The following PCNX2 variants were observed in gnomAD, a reference collection of about 807,000 sequenced individuals.
PCNX2 encodes the protein pecanex 2, also known as pecanex-like protein 2.
PCNX2 carries 168 observed loss-of-function variants against 223.8 expected under a neutral mutation model. The ratio of observed to expected loss-of-function variants is 0.75; its 90% CI spans 0.66 to 0.85. PCNX2 has a LOEUF of 0.85. Ranked by LOEUF, PCNX2 falls within the 40% of genes least tolerant of loss-of-function variation. PCNX2 has a pLI of 0.00. For missense variants in PCNX2, 2,507 were observed against 2,675.5 expected, an observed-to-expected ratio of 0.94 and a Z score of 1.39; for synonymous variants, 1,006 against 1,052.6, an observed-to-expected ratio of 0.96 and a Z score of 0.86.
At chr1:232,989,634 G>T (rs1211746634) in intron 32 of PCNX2, among the ~76,000 whole-genome samples, 4 of 152,150 alleles carry the variant, frequency 2.6e-5, no homozygotes, top group Non-Finnish European at 5.9e-5. Flanking sequence ...CTGCAGCAAA[G>T]GACCCCTGTA....
intron 1 of PCNX2, among the ~76,000 whole-genome samples, chr1:233,290,168 G>A (rs1661683776): frequency 6.8e-6 from 1 of 146,640 alleles, no homozygotes; most frequent in Non-Finnish European, 1.5e-5. Flanking sequence ...GGGGTTAGGG[G>A]TATGAAGGAG....
At chr1:233,027,952 C>A (rs182080640) in intron 25 of PCNX2, among the ~76,000 whole-genome samples, 1 of 152,164 alleles carries the variant, frequency 6.6e-6, no homozygotes, top group Non-Finnish European at 1.5e-5. Context: ...TGTTTTCATT[C>A]AGTTCAGTTA....
chr1:233,254,172 G>A (rs73111151), intron 5 of PCNX2, among the ~76,000 whole-genome samples: 1 of 152,284 alleles, frequency 6.6e-6, no homozygotes, highest in Non-Finnish European at 1.5e-5. Flanking sequence ...AGCAATGCTG[G>A]CTTCTCTGTG....
intron 21 of PCNX2, among the ~76,000 whole-genome samples, chr1:233,105,061 T>C (rs561772814): frequency 6.6e-6 from 1 of 152,224 alleles, no homozygotes; most frequent in South Asian, 2.1e-4. Flanking sequence ...TAGAAAAACT[T>C]CACAGTCCAT....
intron 1 of PCNX2, among the ~76,000 whole-genome samples, chr1:233,280,297 CCT>C (rs1491331529): frequency 8.5e-6 from 1 of 117,634 alleles, no homozygotes; most frequent in African/African-American, 3.0e-5. Context: ...TTCCATATTA[CCT>C]TTTTTTTTTT....
At chr1:232,994,714 T>G (rs959997519) in intron 32 of PCNX2, among the ~76,000 whole-genome samples, 33 of 152,152 alleles carry the variant, frequency 2.2e-4, no homozygotes, top group Admixed American at 1.4e-3. Context: ...TGGGAGGTGA[T>G]TGGATCATGG....
At position 233,160,294 on chromosome 1, in the gene PCNX2, C is replaced by T. The variant is rs781583535; in HGVS notation, c.3506G>A (p.Arg1169Gln). 89 of 1,612,598 alleles carry T rather than the reference C, an allele frequency of 5.5e-5. No homozygotes were observed. The highest frequency in any genetic ancestry group is 3.3e-4 in the Middle Eastern group (2 of 6,082). ...GATATATTACTAACCTCTCACTTCCCGTTGATGATACTCTTTGTTTTTGAG... is the reference window on the plus strand; with the variant it reads ...GATATATTACTAACCTCTCACTTCCTGTTGATGATACTCTTTGTTTTTGAG... Reference protein sequence around the residue: ...PILKNKEYHQREVRDVAHLMW... With the variant: ...PILKNKEYHQQEVRDVAHLMW... The change falls in exon 19 of 34, where the codon CGG becomes CAG. Residue 1169 changes from arginine to glutamine, a missense_variant. By Grantham distance (43) the Arg-to-Gln change is conservative. Coordinates refer to ENST00000258229, the MANE Select transcript of PCNX2 (RefSeq NM_014801.4).
the PCNX2 span, among the ~76,000 whole-genome samples, chr1:233,311,246 T>C: frequency 6.6e-6 from 1 of 152,174 alleles, no homozygotes; most frequent in African/African-American, 2.4e-5. Context: ...TGTACTAATA[T>C]AATAAAACCT....
chr1:233,263,051 TCTC>T lies in PCNX2; in HGVS notation c.263_265del (p.Gly88del). On this transcript the variant is annotated inframe_deletion, in exon 2 of 34. Transcript: ENST00000258229. ...TCTGGAGGGCTTTTGCTGAATTACT[TCTC>T]CTTTGTCAAACATGAGGTGTAGGCG... 6.2e-7 allele frequency: 1 copy of T among 1,613,808 alleles called. No homozygotes were observed. Among genetic ancestry groups the T allele is most frequent in the Non-Finnish European group, 8.5e-7 (1 of 1,179,818 alleles).
chr1:233,268,168 TC>T (rs1459203610), intron 1 of PCNX2, among the ~76,000 whole-genome samples: 1 of 152,216 alleles, frequency 6.6e-6, no homozygotes, highest in African/African-American at 2.4e-5. Context: ...CGCCTTGGCC[TC>T]CTAAAGTGCT....
chr1:233,019,174 T>C (rs779474992), intron 26 of PCNX2: 57 of 985,322 alleles, frequency 5.8e-5, no homozygotes, highest in Non-Finnish European at 5.7e-5. Flanking sequence ...CTCTCTGCTG[T>C]GAGGACTGAG....
intron 25 of PCNX2, among the ~76,000 whole-genome samples, chr1:233,028,400 A>G (rs111290309): frequency 3.3e-5 from 5 of 152,298 alleles, no homozygotes; most frequent in African/African-American, 9.6e-5. Flanking sequence ...TGCTTCTTAT[A>G]GTTCTGTTAT....
rs186164751 is a variant in PCNX2 at position 233,279,402 on chromosome 1, T to C, written c.153+15924A>G. The stretch of plus-strand genomic sequence containing the variant: ...GCTAATTTGTGTTTGTGTGTGTGTG[T>C]GTGTGTGTGTGTGTGTGTGTAAAAT... On this transcript the variant is annotated intron_variant, in intron 1 of 33. Transcript: ENST00000258229. Among the ~76,000 whole-genome samples the C allele has an allele frequency of 4.6e-4, 70 of 151,608 alleles. 1 individual carries two copies. In the East Asian group the frequency reaches 9.9e-3, roughly 21 times the overall value.
At chr1:233,316,032 AT>A in the PCNX2 span, among the ~76,000 whole-genome samples, 1 of 152,222 alleles carries the variant, frequency 6.6e-6, no homozygotes, top group Non-Finnish European at 1.5e-5. Context: ...CAGAAAGGAT[AT>A]CTTCCAGGGT....
chr1:233,193,871 A>G (rs1339772416), intron 15 of PCNX2, among the ~76,000 whole-genome samples: 2 of 152,162 alleles, frequency 1.3e-5, no homozygotes, highest in Non-Finnish European at 2.9e-5. Flanking sequence ...AACCCAAAGA[A>G]GGAAAAAAGA....
At chr1:233,032,022 G>T (rs924702444) in intron 25 of PCNX2, 1 of 983,844 alleles carries the variant, frequency 1.0e-6, no homozygotes, top group Admixed American at 6.2e-5. Flanking sequence ...CATTAACACT[G>T]GCTTGCTGTA....
chr1:233,249,240 T>G (rs1249682576), intron 8 of PCNX2, among the ~76,000 whole-genome samples: 1 of 152,228 alleles, frequency 6.6e-6, no homozygotes, highest in African/African-American at 2.4e-5. Context: ...AAATGACATA[T>G]ATTTATCCTG....
At chr1:233,033,954 C>T (rs1277441531) in intron 25 of PCNX2, among the ~76,000 whole-genome samples, 2 of 152,206 alleles carry the variant, frequency 1.3e-5, no homozygotes, top group Admixed American at 6.5e-5. Flanking sequence ...TGGCTCACAC[C>T]TGTAATCCCA....
In PCNX2 at chr1:233,208,498, C is replaced by A. The variant is rs747977922; in HGVS notation, c.2863+20G>T. 2 of 1,603,478 alleles carry A rather than the reference C, an allele frequency of 1.2e-6. No homozygotes were observed. Among genetic ancestry groups the A allele is most frequent in the South Asian group, 2.2e-5 (2 of 90,298 alleles). On this transcript the variant is annotated intron_variant, in intron 13 of 33. Transcript: ENST00000258229. Reference sequence around the variant, plus strand: ...CCCCCAACCCCCATATTCTTCCCCACAACCCCATAATTAACTCACCTATTA... The same window carrying A: ...CCCCCAACCCCCATATTCTTCCCCAAAACCCCATAATTAACTCACCTATTA...
Sources: allele counts gnomAD v4.1 joint callset (sites outside exome capture counted in the v4.1 genomes callset), GRCh38; gene constraint gnomAD v4.1.1; transcripts MANE v1.5; gene names NCBI Gene and HGNC (gene_info 2026-07-23, HGNC 2026-07-21).